The following TRMT1L variants were observed in gnomAD, a reference collection of about 807,000 sequenced individuals.
TRMT1L encodes tRNA (guanine(27)-N(2))-dimethyltransferase.
In TRMT1L, 28 loss-of-function variants were observed where a neutral mutation model predicts 81.6. That is an observed-to-expected ratio of 0.34 (90% CI 0.25 to 0.47). The LOEUF (loss-of-function observed/expected upper bound fraction) is 0.47. TRMT1L is among the 20% of genes least tolerant of loss of function. The pLI is 1.00. For synonymous variants in TRMT1L, 301 were observed against 303.2 expected, an observed-to-expected ratio of 0.99 and a Z score of 0.07; for missense variants, 739 against 877.1, an observed-to-expected ratio of 0.84 and a Z score of 1.99.
At chr1:185,142,709 C>T (rs1209465072) in intron 7 of TRMT1L, among the ~76,000 whole-genome samples, 1 of 146,624 alleles carries the variant, frequency 6.8e-6, no homozygotes, top group Non-Finnish European at 1.5e-5. Context: ...TACAAAAATA[C>T]AGGAGATAGA....
intron 4 of TRMT1L, 73 bp from the exon 5 acceptor site, chr1:185,145,641 G>A: frequency 7.0e-7 from 1 of 1,436,168 alleles, no homozygotes; most frequent in Non-Finnish European, 9.6e-7. Flanking sequence ...GCAAATTTAA[G>A]TACATTAGTG....
At chr1:185,153,054 T>C (rs1007669438) in intron 1 of TRMT1L, among the ~76,000 whole-genome samples, 2 of 152,212 alleles carry the variant, frequency 1.3e-5, no homozygotes, top group East Asian at 3.8e-4. Flanking sequence ...TAGTTATGAC[T>C]GATTTCAAAC....
At position 185,122,761 on chromosome 1, in the gene TRMT1L, T is replaced by G. The variant is rs1378320282; in HGVS notation, c.1822+1096A>C. Among the ~76,000 whole-genome samples the G allele has an allele frequency of 3.3e-5, 5 of 149,978 alleles. No individual in the cohort carries two copies. In the East Asian group the frequency reaches 9.9e-4, roughly 30 times the overall value. On this transcript the variant is annotated intron_variant, in intron 13 of 14. Coordinates refer to ENST00000367506, the MANE Select transcript of TRMT1L (RefSeq NM_030934.5). ...GTGCAGTGGTGCAATCTTGGCTAAC[T>G]GCAGCCTCTGCCTCCTGGGTTCAGG...
intron 1 of TRMT1L, among the ~76,000 whole-genome samples, chr1:185,152,215 TAA>T (rs1571359347): frequency 2.0e-5 from 3 of 152,360 alleles, no homozygotes; most frequent in Admixed American, 1.3e-4. Context: ...AAGGAAACGT[TAA>T]GTCATGTTTT....
At chr1:185,120,633 A>C in intron 13 of TRMT1L, 124 bp from the exon 14 acceptor site, 1 of 847,682 alleles carries the variant, frequency 1.2e-6, no homozygotes, top group South Asian at 4.7e-5. Flanking sequence ...TCCAATCTTA[A>C]TTCTTATAAT....
intron 12 of TRMT1L, among the ~76,000 whole-genome samples, chr1:185,124,341 G>A (rs570547072): frequency 6.8e-6 from 1 of 146,772 alleles, no homozygotes; most frequent in African/African-American, 2.5e-5. Flanking sequence ...GACCTTTAGT[G>A]TTTTTTTTTT....
chr1:185,145,309 G>A, intron 5 of TRMT1L, 130 bp downstream of exon 5: 1 of 929,550 alleles, frequency 1.1e-6, no homozygotes, highest in Non-Finnish European at 1.5e-6. Context: ...AAAAGCTGAA[G>A]TAATGGACTA....
intron 1 of TRMT1L, among the ~76,000 whole-genome samples, chr1:185,156,092 G>A (rs547039632): frequency 1.3e-5 from 2 of 152,142 alleles, no homozygotes; most frequent in South Asian, 2.1e-4. Flanking sequence ...AGGTTGCCTC[G>A]GTTACTATGT....
chr1:185,120,013 C>T lies in TRMT1L; in HGVS notation c.*6G>A. The T allele has an allele frequency of 6.2e-7, 1 of 1,612,846 alleles. No homozygotes were observed. On this transcript the variant is annotated 3_prime_UTR_variant, in exon 15 of 15. Transcript: ENST00000367506. ...CAGACACCTGAGAACCAATTCTTCT[C>T]TACGTTTACCATCTTCTGCAGCCAC...
upstream of TRMT1L, chr1:185,157,459 C>G (rs1653697288): frequency 6.5e-6 from 1 of 152,688 alleles, no homozygotes; most frequent in South Asian, 2.0e-4. Context: ...TGGGCGGGTC[C>G]GGGGACGAGC....
chr1:185,134,554 C>A (rs1406342255), intron 10 of TRMT1L, among the ~76,000 whole-genome samples: 1 of 152,206 alleles, frequency 6.6e-6, no homozygotes, highest in Non-Finnish European at 1.5e-5. Context: ...CTTTGTAGGA[C>A]ATACTTGTTT....
chr1:185,124,156 C>G (rs2102228877), intron 12 of TRMT1L, among the ~76,000 whole-genome samples: 1 of 152,142 alleles, frequency 6.6e-6, no homozygotes, highest in South Asian at 2.1e-4. Flanking sequence ...TCAGATACAA[C>G]TACAAAATTG....
intron 10 of TRMT1L, among the ~76,000 whole-genome samples, chr1:185,129,606 C>G (rs1490129287): frequency 6.6e-6 from 1 of 152,188 alleles, no homozygotes. Flanking sequence ...AATGGCCTGA[C>G]CTAATCAATC....
In TRMT1L at chr1:185,128,696, T is replaced by G. The variant is rs566590049; in HGVS notation, c.1565A>C (p.Lys522Thr). Residue 522 changes from lysine (K) to threonine (T), a missense_variant, in exon 11 of 15, where the codon AAG becomes ACG. Coordinates refer to ENST00000367506, the MANE Select transcript of TRMT1L (RefSeq NM_030934.5). ...PCNCHGSMPG[K>T]TAIELGPLWS... is the part of the protein sequence containing the mutation. The stretch of plus-strand genomic sequence containing the variant: ...CAGAGGTCCAAGTTCTATTGCTGTC[T>G]TTCCAGGCATGCTTCCATGACAGTT... 6.2e-7 allele frequency: 1 copy of G among 1,612,618 alleles called. No homozygotes were observed. Among genetic ancestry groups the G allele is most frequent in the South Asian group, 1.1e-5 (1 of 90,802 alleles).
chr1:185,139,868 T>C, intron 8 of TRMT1L, 105 bp downstream of exon 8: 1 of 1,331,100 alleles, frequency 7.5e-7, no homozygotes, highest in Non-Finnish European at 1.0e-6. Context: ...ATGGCATTAA[T>C]TTAAATAAAT....
intron 10 of TRMT1L, among the ~76,000 whole-genome samples, chr1:185,132,012 A>G (rs1652782782): frequency 6.6e-6 from 1 of 151,766 alleles, no homozygotes; most frequent in Non-Finnish European, 1.5e-5. Context: ...GTGGTGGCAC[A>G]GGCCTGCAGT....
rs147387711 is a variant in TRMT1L, at chr1:185,156,501, G to A, written c.212C>T (p.Ser71Phe). 5.6e-6 allele frequency: 9 copies of A among 1,613,800 alleles called. No homozygotes were observed. The highest frequency in any genetic ancestry group is 3.3e-5 in the Admixed American group (2 of 60,004). The change falls in exon 1 of 15, where the codon TCT (serine) becomes TTT (phenylalanine). Residue 71 changes from serine (S) to phenylalanine (F), a missense_variant. Ser to Phe is a radical substitution (Grantham distance 155, BLOSUM62 -2). Coordinates refer to ENST00000367506, the MANE Select transcript of TRMT1L (RefSeq NM_030934.5). ...ACTGCTTTTAGCCTCCTCAGGGGCA[G>A]AGGCTAGGGACGGGGACAGGGCCGG... ...QAPALSPSLA[S>F]APEEAKSKRH... is the part of the protein sequence containing the mutation.
Position 185,145,488 on chromosome 1 carries a change from A to G in TRMT1L, c.606T>C (p.His202=). 1 of 1,612,216 alleles carries G rather than the reference A, an allele frequency of 6.2e-7. No homozygotes were observed. The highest frequency in any genetic ancestry group is 8.5e-7 in the Non-Finnish European group (1 of 1,178,684). The part of the protein sequence containing the change: ...TITRRTDMLG[H]VRRHMNKGET... ...CTCCTTTATTCATGTGGCGCCTAACATGTCCTAGCATATCAGTTCTTCTGG... is the reference window on the plus strand; with the variant it reads ...CTCCTTTATTCATGTGGCGCCTAACGTGTCCTAGCATATCAGTTCTTCTGG... Residue 202 remains histidine (H), a synonymous_variant, in exon 5 of 15, where the codon CAT becomes CAC. Coordinates refer to ENST00000367506, the MANE Select transcript of TRMT1L (RefSeq NM_030934.5).
chr1:185,143,984 G>A lies in TRMT1L; in HGVS notation c.701C>T (p.Thr234Met), dbSNP rs778856321. Residue 234 changes from threonine to methionine, a missense_variant, in exon 6 of 15, where the codon ACG (threonine) becomes ATG (methionine). By Grantham distance (81) the Thr-to-Met change is moderately conservative. This residue lies in a region of TRMT1L where 331 missense variants were observed against 462.2 expected (regional missense o/e 0.72). Transcript: ENST00000367506. ...PPKEILKEAD[T>M]DVQVCPNYSI... ...ATAGTTGGGACAAACTTGTACATCC[G>A]TGTCTGCCTCTTTCAAAATTTCCTT... The A allele has an allele frequency of 1.4e-5, 22 of 1,609,340 alleles. No individual in the cohort carries two copies. The highest frequency in any genetic ancestry group is 1.6e-4 in the Middle Eastern group (1 of 6,074).
Sources: allele counts gnomAD v4.1 joint callset (sites outside exome capture counted in the v4.1 genomes callset), GRCh38; gene constraint gnomAD v4.1.1; regional missense constraint gnomAD v4.1.1; transcripts MANE v1.5; gene names NCBI Gene and HGNC (gene_info 2026-07-23, HGNC 2026-07-21).